MAPKBP1: variants seen among roughly 807,000 people sequenced by gnomAD.
The protein encoded by MAPKBP1 is mitogen-activated protein kinase binding protein 1.
Under a neutral mutation model 170.5 loss-of-function variants are expected in MAPKBP1, and 71 were observed. The observed-to-expected ratio is 0.42, with a 90% CI of 0.34 to 0.51. MAPKBP1 has a LOEUF of 0.51. MAPKBP1 is among the 20% of genes least tolerant of loss of function. MAPKBP1 has a pLI of 0.06. For missense variants in MAPKBP1, 1,598 were observed against 1,933.0 expected (o/e 0.83, Z 3.25); for synonymous variants, 719 against 757.9 (o/e 0.95, Z 0.84).
chr15:41,817,091 C>T lies in MAPKBP1; in HGVS notation c.1711+56C>T. 6.5e-7 allele frequency: 1 copy of T among 1,531,880 alleles called. No individual in the cohort carries two copies. Among genetic ancestry groups the T allele is most frequent in the Non-Finnish European group, 8.8e-7 (1 of 1,137,004 alleles). 94.9% of individuals were successfully genotyped at this position (1,531,880 alleles called of 1,614,324 possible). On this transcript the variant is annotated intron_variant, in intron 14 of 30. Coordinates refer to ENST00000457542, the MANE Select transcript of MAPKBP1 (RefSeq NM_014994.3). This position sits in a 1 kb window ranked among gnomAD's most constrained non-coding sequence, Gnocchi z 4.2. The stretch of plus-strand genomic sequence containing the variant: ...CCACTCTCACCCCTGCTGCCATCTG[C>T]CTCCCACCTCCATGAGAAGGGTCTG...
chr15:41,787,466 C>G (rs1028398263), intron 2 of MAPKBP1, among the ~76,000 whole-genome samples: 3 of 151,952 alleles, frequency 2.0e-5, no homozygotes, highest in Non-Finnish European at 4.4e-5. Context: ...CTCCCAAGTT[C>G]AAGCAATTCT....
intron 3 of MAPKBP1, among the ~76,000 whole-genome samples, chr15:41,808,050 A>G (rs1450974036): frequency 6.7e-6 from 1 of 150,210 alleles, no homozygotes; most frequent in South Asian, 2.2e-4. Flanking sequence ...AAAAAAAAAG[A>G]AAAAAAAATC....
At chr15:41,824,136 C>G in intron 29 of MAPKBP1, 75 bp downstream of exon 29, 1 of 1,508,558 alleles carries the variant, frequency 6.6e-7, no homozygotes, top group Non-Finnish European at 8.8e-7. Flanking sequence ...TGTCTGGCTC[C>G]ATCCCATTTC....
chr15:41,816,384 A>AT (rs1737683755), intron 12 of MAPKBP1, 175 bp from the exon 13 acceptor site: 3 of 583,624 alleles, frequency 5.1e-6, no homozygotes, highest in Admixed American at 5.9e-5. Context: ...AGATGTTCAC[A>AT]TTAGGGAAAG....
At chr15:41,805,329 T>C (rs1291092376) in intron 3 of MAPKBP1, among the ~76,000 whole-genome samples, 1 of 152,164 alleles carries the variant, frequency 6.6e-6, no homozygotes. Context: ...CTTAATTGAG[T>C]TGAACACCCT....
At chr15:41,795,597 T>G in intron 2 of MAPKBP1, among the ~76,000 whole-genome samples, 1 of 152,162 alleles carries the variant, frequency 6.6e-6, no homozygotes, top group East Asian at 1.9e-4. Flanking sequence ...TATTTTATTT[T>G]TATTTATTTA....
At chr15:41,787,732 T>G (rs913051194) in intron 2 of MAPKBP1, among the ~76,000 whole-genome samples, 5 of 152,246 alleles carry the variant, frequency 3.3e-5, no homozygotes, top group Non-Finnish European at 5.9e-5. Flanking sequence ...ATGTCTTTAC[T>G]AAAGTCAGGG....
chr15:41,786,592 G>T (rs1457629623), intron 2 of MAPKBP1, among the ~76,000 whole-genome samples: 1 of 150,296 alleles, frequency 6.7e-6, no homozygotes, highest in Admixed American at 6.6e-5. Context: ...GTGAAACCCC[G>T]TCTCTACTAA....
At chr15:41,776,003 A>C (rs542821034) in intron 2 of MAPKBP1, among the ~76,000 whole-genome samples, 2 of 152,214 alleles carry the variant, frequency 1.3e-5, no homozygotes, top group African/African-American at 4.8e-5. Context: ...CTCATTCACT[A>C]TATGCCAAGA....
intron 2 of MAPKBP1, among the ~76,000 whole-genome samples, chr15:41,797,148 A>G (rs1459606618): frequency 1.3e-5 from 2 of 152,142 alleles, no homozygotes; most frequent in African/African-American, 4.8e-5. Context: ...TCTCTTTGGA[A>G]TTGGATCATC....
At chr15:41,819,554 G>GGGGGGGGGA in intron 21 of MAPKBP1, 41 bp from the exon 22 acceptor site, 2 of 1,495,298 alleles carry the variant, frequency 1.3e-6, no homozygotes, top group Non-Finnish European at 1.8e-6. Flanking sequence ...TGGCGGGGGG[G>GGGGGGGGGA]GGGCAGGAGA....
At chr15:41,795,566 G>A (rs1216478218) in intron 2 of MAPKBP1, among the ~76,000 whole-genome samples, 3 of 151,960 alleles carry the variant, frequency 2.0e-5, no homozygotes, top group Non-Finnish European at 4.4e-5. Context: ...GCAAAATGAT[G>A]ACATGATTTC....
chr15:41,811,532 G>A, intron 5 of MAPKBP1: 1 of 658,552 alleles, frequency 1.5e-6, no homozygotes, highest in South Asian at 1.5e-5. Context: ...GATCCTGCTG[G>A]TGAAGGAAGC....
chr15:41,775,842 G>A (rs1354644536), intron 2 of MAPKBP1, among the ~76,000 whole-genome samples: 1 of 152,230 alleles, frequency 6.6e-6, no homozygotes. Context: ...AGAGTTACTG[G>A]CTTGGTAATT....
chr15:41,810,717 CAAAAAAAAA>C (rs58612719), intron 3 of MAPKBP1, 157 bp from the exon 4 acceptor site: 48 of 431,774 alleles, frequency 1.1e-4, no homozygotes, highest in African/African-American at 3.0e-4. Context: ...GATCCTGTCT[CAAAAAAAAA>C]AAAAAAAAAA....
intron 20 of MAPKBP1, 109 bp from the exon 21 acceptor site, chr15:41,819,137 T>C: frequency 1.4e-6 from 2 of 1,453,718 alleles, no homozygotes; most frequent in Non-Finnish European, 1.9e-6. Flanking sequence ...CTCCCCCTAT[T>C]GAGTCTCATC....
intron 8 of MAPKBP1, chr15:41,813,302 C>G: frequency 1.3e-6 from 2 of 1,528,762 alleles, no homozygotes; most frequent in Non-Finnish European, 1.8e-6. Flanking sequence ...CTTTCTGTCT[C>G]TTTCCCCTGC....
chr15:41,790,444 C>G (rs1245781264), intron 2 of MAPKBP1, among the ~76,000 whole-genome samples: 1 of 152,104 alleles, frequency 6.6e-6, no homozygotes, highest in African/African-American at 2.4e-5. Context: ...TCTTTGGGTA[C>G]TTTGTTGACT....
chr15:41,800,837 CAGCCTCCTGCCTT>C (rs2064579346), intron 3 of MAPKBP1, among the ~76,000 whole-genome samples: 1 of 152,382 alleles, frequency 6.6e-6, no homozygotes, highest in South Asian at 2.1e-4. Flanking sequence ...ACTGCAGCCT[CAGCCTCCTGCCTT>C]AGCCTCCTGA....
Sources: allele counts gnomAD v4.1 joint callset (sites outside exome capture counted in the v4.1 genomes callset), GRCh38; gene constraint gnomAD v4.1.1; non-coding constraint Gnocchi (gnomAD v3.1); transcripts MANE v1.5; gene names NCBI Gene and HGNC (gene_info 2026-07-23, HGNC 2026-07-21).